The following TENM3 variants were observed in gnomAD, a reference collection of about 807,000 sequenced individuals.
The protein encoded by TENM3 is teneurin transmembrane protein 3.
TENM3 carries 63 observed loss-of-function variants against 255.1 expected under a neutral mutation model. The observed-to-expected ratio is 0.25, with a 90% CI of 0.20 to 0.30. The LOEUF is 0.30. Ranked by LOEUF, TENM3 falls within the 10% of genes least tolerant of loss-of-function variation. The pLI, the probability that TENM3 is intolerant of heterozygous loss-of-function variation, is 1.00. For missense variants in TENM3, 2,929 were observed against 3,461.1 expected (o/e 0.85, Z 3.86); for synonymous variants, 1,306 against 1,322.3 (o/e 0.99, Z 0.27).
chr4:181,749,092 T>C, the TENM3 span, among the ~76,000 whole-genome samples: 1 of 152,126 alleles, frequency 6.6e-6, no homozygotes, highest in African/African-American at 2.4e-5. Flanking sequence ...TAAGTGGTTA[T>C]TCTCTAAACA....
At chr4:181,578,671 A>C in the TENM3 span, among the ~76,000 whole-genome samples, 1 of 152,164 alleles carries the variant, frequency 6.6e-6, no homozygotes, top group Non-Finnish European at 1.5e-5. Flanking sequence ...AAAGGACTGC[A>C]GTGAGGAGAA....
intron 24 of TENM3, among the ~76,000 whole-genome samples, 187 bp from the exon 25 acceptor site, chr4:182,788,902 GCTGT>G (rs1355417850): frequency 6.6e-6 from 1 of 152,174 alleles, no homozygotes; most frequent in African/African-American, 2.4e-5. Context: ...CAAATGCCAG[GCTGT>G]CTTTCTGCTT....
At chr4:181,459,280 T>C in the TENM3 span, among the ~76,000 whole-genome samples, 2 of 152,028 alleles carry the variant, frequency 1.3e-5, no homozygotes, top group Middle Eastern at 3.4e-3. Flanking sequence ...CTATATGTTC[T>C]GCAAGTAATT....
chr4:182,484,184 G>A (rs1218820046), intron 3 of TENM3, among the ~76,000 whole-genome samples: 3 of 152,130 alleles, frequency 2.0e-5, no homozygotes, highest in Non-Finnish European at 4.4e-5. Flanking sequence ...GCATAGATGA[G>A]TGTATTTAAT....
intron 5 of TENM3, among the ~76,000 whole-genome samples, chr4:182,629,631 A>C (rs562665818): frequency 1.3e-5 from 2 of 152,288 alleles, no homozygotes; most frequent in South Asian, 4.1e-4. Context: ...AAGGCCTACC[A>C]CATTGAAATG....
chr4:181,985,917 C>A, the TENM3 span, among the ~76,000 whole-genome samples: 10 of 151,980 alleles, frequency 6.6e-5, no homozygotes, highest in African/African-American at 2.2e-4. Context: ...TTACCTGCAC[C>A]CTTTTTCCCC....
chr4:181,497,496 G>A, the TENM3 span, among the ~76,000 whole-genome samples: 1 of 152,166 alleles, frequency 6.6e-6, no homozygotes, highest in Non-Finnish European at 1.5e-5. Context: ...GAAAACATAA[G>A]TTTGTTGTGG....
the TENM3 span, among the ~76,000 whole-genome samples, chr4:181,601,141 G>A: frequency 6.6e-6 from 1 of 152,174 alleles, no homozygotes; most frequent in African/African-American, 2.4e-5. Flanking sequence ...TTCTATGGCT[G>A]CTGTAACCAA....
chr4:182,479,901 G>A (rs368992124), intron 3 of TENM3, among the ~76,000 whole-genome samples: 1 of 151,802 alleles, frequency 6.6e-6, no homozygotes, highest in Non-Finnish European at 1.5e-5. Flanking sequence ...ACAAATAAAC[G>A]GATGGAATTA....
chr4:181,722,197 G>A, the TENM3 span, among the ~76,000 whole-genome samples: 1 of 152,320 alleles, frequency 6.6e-6, no homozygotes, highest in African/African-American at 2.4e-5. Context: ...CTGGGGATCA[G>A]GGCATAATGG....
intron 2 of TENM3, among the ~76,000 whole-genome samples, chr4:182,334,419 G>A (rs1274727477): frequency 6.6e-6 from 1 of 152,158 alleles, no homozygotes; most frequent in African/African-American, 2.4e-5. Flanking sequence ...AATTTTAATT[G>A]GCGTGAGTGA....
chr4:182,243,728 A>G (rs1757441762), intron 1 of TENM3, among the ~76,000 whole-genome samples: 1 of 152,156 alleles, frequency 6.6e-6, no homozygotes, highest in African/African-American at 2.4e-5. Flanking sequence ...AATACTGTGA[A>G]CTATTCAGCA....
chr4:182,387,353 T>A (rs1768023430), intron 3 of TENM3, among the ~76,000 whole-genome samples: 1 of 152,166 alleles, frequency 6.6e-6, no homozygotes, highest in African/African-American at 2.4e-5. Flanking sequence ...GTCCAAACTC[T>A]GTATCTAACT....
At chr4:181,843,748 C>A in the TENM3 span, among the ~76,000 whole-genome samples, 1 of 124,406 alleles carries the variant, frequency 8.0e-6, no homozygotes, top group East Asian at 2.8e-4. Context: ...GAGACGGAGT[C>A]TCTCCCTGTC....
intron 3 of TENM3, among the ~76,000 whole-genome samples, chr4:182,475,880 C>G (rs1733646722): frequency 6.6e-6 from 1 of 152,146 alleles, no homozygotes; most frequent in Non-Finnish European, 1.5e-5. Flanking sequence ...TAATTGGATT[C>G]CAGAAGAGAA....
the TENM3 span, among the ~76,000 whole-genome samples, chr4:182,053,020 T>C: frequency 6.6e-6 from 1 of 152,150 alleles, no homozygotes; most frequent in African/African-American, 2.4e-5. Context: ...GATCTCACTA[T>C]GTTCCCCAGG....
chr4:181,996,925 G>A, the TENM3 span, among the ~76,000 whole-genome samples: 1 of 152,108 alleles, frequency 6.6e-6, no homozygotes, highest in Non-Finnish European at 1.5e-5. Flanking sequence ...ATTATAATGG[G>A]GCAACACACA....
chr4:182,174,186 T>C (rs1297707794), intron 1 of TENM3, among the ~76,000 whole-genome samples: 2 of 152,110 alleles, frequency 1.3e-5, no homozygotes, highest in East Asian at 3.9e-4. Context: ...TCTTTATCCA[T>C]TAACTAAATA....
Position 182,295,256 on chromosome 4 carries a change from C to CTTTTTTTTTTTT in TENM3, c.-75-28686_-75-28685insTTTTTTTTTTTT, listed in dbSNP as rs1365630117. Among the ~76,000 whole-genome samples the CTTTTTTTTTTTT allele has an allele frequency of 1.6e-5, 2 of 121,536 alleles. 1 individual carries two copies. Among genetic ancestry groups the CTTTTTTTTTTTT allele is most frequent in the African/African-American group, 6.8e-5 (2 of 29,520 alleles). 79.7% of individuals were successfully genotyped at this position (121,536 alleles called of 152,430 possible). On this transcript the variant is annotated intron_variant, in intron 1 of 27. Coordinates refer to ENST00000511685, the MANE Select transcript of TENM3 (RefSeq NM_001080477.4). ...GGAAACAAGTGGTATATGTGCTTTG[C>CTTTTTTTTTTTT]TTTTCTTTTTTTTTTTTTTTTTTTT... is the stretch of plus-strand genomic sequence containing the variant.
Sources: gnomAD v4.1 joint callset for allele counts (sites outside exome capture counted in the v4.1 genomes callset) on GRCh38, gnomAD v4.1.1 for gene constraint, MANE v1.5 for transcripts, NCBI Gene and HGNC (gene_info 2026-07-23, HGNC 2026-07-21) for gene names.